NOD2: variants seen among roughly 807,000 people sequenced by gnomAD.
NOD2 encodes nucleotide-binding oligomerization domain-containing protein 2.
In NOD2, 86 loss-of-function variants were observed where a neutral mutation model predicts 90.9. The observed-to-expected ratio is 0.95, with a 90% confidence interval of 0.79 to 1.13. The LOEUF (loss-of-function observed/expected upper bound fraction) is 1.13. Ranked by LOEUF, NOD2 falls within the 50% of genes most tolerant of loss-of-function variation. The probability of loss-of-function intolerance (pLI) is 0.00; values close to 1 mark genes in which losing one functional copy is unlikely to be tolerated. For missense variants in NOD2, 1,238 were observed against 1,283.8 expected (o/e 0.96, Z 0.55); for synonymous variants, 581 against 554.6 (o/e 1.05, Z -0.67).
chr16:50,709,831 A>G, intron 3 of NOD2: 1 of 413,732 alleles, frequency 2.4e-6, no homozygotes, highest in South Asian at 1.7e-5. Flanking sequence ...TAATAATGAT[A>G]ATAAGCACCA....
intron 9 of NOD2, among the ~76,000 whole-genome samples, chr16:50,724,398 A>C (rs1965194366): frequency 6.6e-6 from 1 of 152,222 alleles, no homozygotes; most frequent in Admixed American, 6.5e-5. Context: ...AGGCAAATTA[A>C]ATTTAGCAGA....
chr16:50,723,459 G>C, intron 9 of NOD2, 75 bp downstream of exon 9: 1 of 1,327,558 alleles, frequency 7.5e-7, no homozygotes, highest in African/African-American at 1.4e-5. Flanking sequence ...ATCCATAGGA[G>C]CGGTTGTGTG....
At position 50,711,706 on chromosome 16, in the gene NOD2, CT is replaced by C; in HGVS notation, c.1715del (p.Leu572ArgfsTer164). 6.2e-7 allele frequency: 1 copy of C among 1,614,096 alleles called. No individual in the cohort carries two copies. Among genetic ancestry groups the C allele is most frequent in the Non-Finnish European group, 8.5e-7 (1 of 1,180,028 alleles). ...TGTCGTGCCAGGGAGTACGGCGCCC[CT>C]GGAATTCCTTCACATCACTTTCCAG... The part of the protein sequence containing the change: ...KGVVPGSTAP[L>X]EFLHITFQCF... On this transcript the variant is annotated frameshift_variant, in exon 4 of 12. Coordinates refer to ENST00000647318, the MANE Select transcript of NOD2 (RefSeq NM_001370466.1). LOFTEE classifies it high-confidence loss of function.
rs1965301395 is a variant in NOD2, at chr16:50,727,297, C to T, written c.2885+1725C>T. On this transcript the variant is annotated intron_variant, in intron 10 of 11. Transcript: ENST00000647318. ...CCTCAAGTGTAAATGGAGATAATGG[C>T]TGGACCTTCATTATAGGCCATGAGC... 4.5e-5 allele frequency: 7 copies of T among 156,592 alleles called. No individual in the cohort carries two copies. In the Admixed American group the frequency reaches 4.5e-4, roughly 10 times the overall value. The allele number at this position is 156,592 out of a possible 1,614,324, so 9.7% of individuals were successfully genotyped here.
chr16:50,728,276 T>C (rs1344807277), intron 10 of NOD2: 2 of 321,474 alleles, frequency 6.2e-6, no homozygotes. Context: ...TCTTCAAGGC[T>C]CTTATCTCCT....
intron 2 of NOD2, among the ~76,000 whole-genome samples, chr16:50,706,178 G>A (rs1032868963): frequency 3.3e-5 from 5 of 152,216 alleles, no homozygotes; most frequent in East Asian, 1.9e-4. Context: ...CCAGAGGCAG[G>A]AGCATACCTG....
At chr16:50,729,672 A>T in intron 10 of NOD2, 146 bp from the exon 11 acceptor site, 1 of 672,504 alleles carries the variant, frequency 1.5e-6, no homozygotes, top group Non-Finnish European at 2.8e-6. Flanking sequence ...TGATGAGCTC[A>T]TTGGGAATCT....
In NOD2 at chr16:50,699,682, G is replaced by A. The variant is rs1379914873; in HGVS notation, c.187G>A (p.Asp63Asn). The A allele has an allele frequency of 6.2e-7, 1 of 1,614,128 alleles. No homozygotes were observed. The highest frequency in any genetic ancestry group is 1.1e-5 in the South Asian group (1 of 91,080). ...PLSHLARRLL[D>N]TVWNKGTWAC... ...CTCCCACTTGGCCAGGCGCCTTCTG[G>A]ACACCGTCTGGAATAAGGGTACTTG... The change falls in exon 2 of 12, where the codon GAC (aspartate) becomes AAC (asparagine). Residue 63 changes from aspartate to asparagine, a missense_variant. By Grantham distance (23) the Asp-to-Asn change is conservative. This residue lies in a region of NOD2 where 567 missense variants were observed against 577.3 expected (regional missense o/e 0.98). Coordinates refer to ENST00000647318, the MANE Select transcript of NOD2 (RefSeq NM_001370466.1).
Position 50,697,330 on chromosome 16 carries a change from G to C in NOD2, c.-8-2158G>C, listed in dbSNP as rs1382023478. Reference sequence around the variant, plus strand: ...GACATTCTCCGGGTAAGAGGAGCAGGCATTGTCCCGTCCCAGCTTGATCCT... The same window carrying C: ...GACATTCTCCGGGTAAGAGGAGCAGCCATTGTCCCGTCCCAGCTTGATCCT... On this transcript the variant is annotated intron_variant, in intron 1 of 11. Coordinates refer to ENST00000647318, the MANE Select transcript of NOD2 (RefSeq NM_001370466.1). The C allele has an allele frequency of 6.4e-7, 1 of 1,552,262 alleles. No individual in the cohort carries two copies. Among genetic ancestry groups the C allele is most frequent in the Non-Finnish European group, 8.7e-7 (1 of 1,146,544 alleles).
intron 4 of NOD2, chr16:50,713,480 C>A (rs1167233800): frequency 1.3e-5 from 2 of 152,048 alleles, no homozygotes; most frequent in African/African-American, 4.8e-5. Context: ...AGCATAATAA[C>A]AACATAATAC....
At chr16:50,703,532 G>A (rs1964035473) in intron 2 of NOD2, among the ~76,000 whole-genome samples, 1 of 151,986 alleles carries the variant, frequency 6.6e-6, no homozygotes, top group Non-Finnish European at 1.5e-5. Flanking sequence ...CCAGCTACTC[G>A]GGAGGCTGAG....
intron 8 of NOD2, 37 bp downstream of exon 8, chr16:50,722,742 A>C (rs869032912): frequency 4.4e-6 from 7 of 1,594,592 alleles, no homozygotes; most frequent in Non-Finnish European, 6.0e-6. Context: ...TTTCTTGGGG[A>C]GATCAGGTGA....
intron 1 of NOD2, 41 bp from the exon 2 acceptor site, chr16:50,699,447 C>T: frequency 6.3e-7 from 1 of 1,581,114 alleles, no homozygotes; most frequent in Non-Finnish European, 8.7e-7. Flanking sequence ...CTGCATCTGG[C>T]TTCTGGAGAA....
chr16:50,705,414 G>T (rs1175078785), intron 2 of NOD2, among the ~76,000 whole-genome samples: 1 of 151,986 alleles, frequency 6.6e-6, no homozygotes, highest in South Asian at 2.1e-4. Flanking sequence ...GATACTCTTT[G>T]GTTTTCTTTC....
intron 4 of NOD2, chr16:50,713,014 G>A (rs538847379): frequency 7.8e-4 from 123 of 158,398 alleles, no homozygotes; most frequent in Non-Finnish European, 1.4e-3. Context: ...AGCACTACCC[G>A]TATTGCTTAG....
At chr16:50,698,953 G>A (rs922934055) in intron 1 of NOD2, among the ~76,000 whole-genome samples, 2 of 146,592 alleles carry the variant, frequency 1.4e-5, no homozygotes, top group African/African-American at 5.1e-5. Flanking sequence ...TTTGAGAAAC[G>A]GTCTTGCTCT....
chr16:50,719,888 G>C (rs139126461), intron 6 of NOD2, 37 bp from the exon 7 acceptor site: 1 of 1,585,676 alleles, frequency 6.3e-7, no homozygotes, highest in Non-Finnish European at 8.7e-7. Flanking sequence ...TCTGCCTGCC[G>C]CTGTGTTCTC....
chr16:50,724,813 G>A (rs1425490006), intron 9 of NOD2, among the ~76,000 whole-genome samples: 1 of 152,158 alleles, frequency 6.6e-6, no homozygotes, highest in East Asian at 1.9e-4. Context: ...ACAAGGAAAG[G>A]GTTTATTTTT....
intron 10 of NOD2, among the ~76,000 whole-genome samples, chr16:50,729,608 T>G (rs1038592238): frequency 6.6e-6 from 1 of 152,170 alleles, no homozygotes; most frequent in Non-Finnish European, 1.5e-5. Flanking sequence ...GATAAACTCA[T>G]CTAGTGAATG....
Sources: gnomAD v4.1 joint callset for allele counts (sites outside exome capture counted in the v4.1 genomes callset) on GRCh38, gnomAD v4.1.1 for gene constraint, gnomAD v4.1.1 regional missense constraint, MANE v1.5 for transcripts, NCBI Gene and HGNC (gene_info 2026-07-23, HGNC 2026-07-21) for gene names.